WHRN: variants seen among roughly 807,000 people sequenced by gnomAD.
The protein encoded by WHRN is whirlin.
Under a neutral mutation model 68.3 loss-of-function variants are expected in WHRN, and 41 were observed. That is an observed-to-expected ratio of 0.60 (90% confidence interval 0.47 to 0.78). The LOEUF is 0.78. WHRN is among the 30% of genes least tolerant of loss of function. WHRN has a pLI of 0.00. For synonymous variants in WHRN, 560 were observed against 561.3 expected (o/e 1.00, Z 0.03); for missense variants, 1,243 against 1,244.7 (o/e 1.00, Z 0.02).
intron 1 of WHRN, among the ~76,000 whole-genome samples, chr9:114,489,745 T>G (rs1400222665): frequency 1.3e-5 from 2 of 152,226 alleles, no homozygotes; most frequent in African/African-American, 4.8e-5. Context: ...GAATAAACAC[T>G]AAAATCTAAG....
At chr9:114,487,676 A>C (rs1842655971) in intron 1 of WHRN, among the ~76,000 whole-genome samples, 1 of 139,236 alleles carries the variant, frequency 7.2e-6, no homozygotes, top group Non-Finnish European at 1.6e-5. Flanking sequence ...TCCTGAAGCC[A>C]TAGGCAGTGA....
intron 7 of WHRN, among the ~76,000 whole-genome samples, chr9:114,410,373 C>T (rs1049459778): frequency 6.6e-6 from 1 of 152,216 alleles, no homozygotes; most frequent in African/African-American, 2.4e-5. Context: ...ACTGATGAAT[C>T]CATGAATGAA....
At chr9:114,467,887 A>T (rs983732647) in intron 2 of WHRN, among the ~76,000 whole-genome samples, 1 of 152,214 alleles carries the variant, frequency 6.6e-6, no homozygotes, top group Non-Finnish European at 1.5e-5. Context: ...CGGGACAGGG[A>T]GCGGTGGGAG....
intron 3 of WHRN, among the ~76,000 whole-genome samples, chr9:114,452,231 T>A (rs1360904995): frequency 6.6e-6 from 1 of 152,204 alleles, no homozygotes; most frequent in Non-Finnish European, 1.5e-5. Flanking sequence ...CTTAAACACA[T>A]CCTGAATGGC....
chr9:114,429,015 C>T (rs1025591535), intron 3 of WHRN, among the ~76,000 whole-genome samples: 4 of 152,160 alleles, frequency 2.6e-5, no homozygotes, highest in Non-Finnish European at 4.4e-5. Flanking sequence ...ACTGCAACCT[C>T]CACCTCCTGG....
At chr9:114,483,252 T>C (rs1842229110) in intron 1 of WHRN, among the ~76,000 whole-genome samples, 1 of 152,136 alleles carries the variant, frequency 6.6e-6, no homozygotes, top group Non-Finnish European at 1.5e-5. Flanking sequence ...ACGCAGGCTC[T>C]TGGGATATGG....
intron 1 of WHRN, among the ~76,000 whole-genome samples, chr9:114,483,661 G>GC (rs1298841877): frequency 6.6e-6 from 1 of 152,214 alleles, no homozygotes; most frequent in African/African-American, 2.4e-5. Flanking sequence ...CAGAGCTTGA[G>GC]CCTGTGAGAC....
At chr9:114,445,037 GTTA>G (rs566119848) in intron 3 of WHRN, among the ~76,000 whole-genome samples, 22 of 150,720 alleles carry the variant, frequency 1.5e-4, no homozygotes, top group African/African-American at 2.9e-4. Flanking sequence ...GTTTTTTAAT[GTTA>G]TTATTATTAT....
At chr9:114,445,037 G>GTTATTA (rs566119848) in intron 3 of WHRN, among the ~76,000 whole-genome samples, 60 of 150,798 alleles carry the variant, frequency 4.0e-4, no homozygotes, top group African/African-American at 9.7e-4. Context: ...GTTTTTTAAT[G>GTTATTA]TTATTATTAT....
rs183073440 is a variant in WHRN, at chr9:114,456,480, A to C, written c.963+9787T>G. Among the ~76,000 whole-genome samples, 16 of 152,308 alleles carry C rather than the reference A, an allele frequency of 1.1e-4. No individual in the cohort carries two copies. In the East Asian group the frequency reaches 2.9e-3, roughly 28 times the overall value. ...ATCTTATAAGACAGAAACCAAGAAGAGTCGTATATAAACACTGTACTTCAG... is the reference window on the plus strand; with the variant it reads ...ATCTTATAAGACAGAAACCAAGAAGCGTCGTATATAAACACTGTACTTCAG... On this transcript the variant is annotated intron_variant, in intron 3 of 11. Transcript: ENST00000362057.
chr9:114,489,245 G>T (rs75168836), intron 1 of WHRN, among the ~76,000 whole-genome samples: 1 of 152,168 alleles, frequency 6.6e-6, no homozygotes. Flanking sequence ...ATAGGAGATG[G>T]TAAGAGATTC....
chr9:114,493,838 A>G (rs1183803509), intron 1 of WHRN, among the ~76,000 whole-genome samples: 2 of 152,238 alleles, frequency 1.3e-5, no homozygotes, highest in African/African-American at 4.8e-5. Flanking sequence ...TTTTCTCATC[A>G]AATAGCTACA....
At chr9:114,480,819 T>C (rs1842042799) in intron 1 of WHRN, among the ~76,000 whole-genome samples, 1 of 152,184 alleles carries the variant, frequency 6.6e-6, no homozygotes, top group Non-Finnish European at 1.5e-5. Context: ...AATCATGTCT[T>C]ATAGTATGAA....
At position 114,432,199 on chromosome 9, in the gene WHRN, A is replaced by G. The variant is rs565212013; in HGVS notation, c.964-5786T>C. ...CCACAGCCCACTGAGTGACTGGCTCATGTTCAGACACTTTGAGAAGAGCAC... is the reference window on the plus strand; with the variant it reads ...CCACAGCCCACTGAGTGACTGGCTCGTGTTCAGACACTTTGAGAAGAGCAC... On this transcript the variant is annotated intron_variant, in intron 3 of 11. Transcript: ENST00000362057. 5.3e-5 allele frequency among the ~76,000 whole-genome samples: 8 copies of G among 152,316 alleles called. No homozygotes were observed. The South Asian group carries it at 1.5e-3, about 28-fold the overall frequency.
In WHRN at chr9:114,466,401, G is replaced by A. The variant is rs2132957378; in HGVS notation, c.838-9C>T. Reference sequence around the variant, plus strand: ...CCCAGCACCAGGTTCACCTGTCAGAGGGAGAGGATAACATTAGAGGGACTG... The same window carrying A: ...CCCAGCACCAGGTTCACCTGTCAGAAGGAGAGGATAACATTAGAGGGACTG... On this transcript the variant is annotated splice_polypyrimidine_tract_variant and intron_variant, in intron 2 of 11. Coordinates refer to ENST00000362057, the MANE Select transcript of WHRN (RefSeq NM_015404.4). 1 of 1,613,896 alleles carries A rather than the reference G, an allele frequency of 6.2e-7. No individual in the cohort carries two copies. Among genetic ancestry groups the A allele is most frequent in the Non-Finnish European group, 8.5e-7 (1 of 1,180,010 alleles).
intron 3 of WHRN, among the ~76,000 whole-genome samples, chr9:114,440,469 C>T (rs1439119888): frequency 2.0e-5 from 3 of 152,230 alleles, no homozygotes; most frequent in African/African-American, 7.2e-5. Context: ...AAACTCCTGA[C>T]CTCAGGTGAT....
chr9:114,403,834 C>T (rs1465446505), intron 10 of WHRN, 62 bp downstream of exon 10: 1 of 1,595,024 alleles, frequency 6.3e-7, no homozygotes, highest in Non-Finnish European at 8.5e-7. Flanking sequence ...CCGGGACCTC[C>T]CATTCTGTGC....
rs151116717 is a variant in WHRN, at chr9:114,403,937, G to C, written c.2377C>G (p.Leu793Val). The C allele has an allele frequency of 3.7e-6, 6 of 1,611,078 alleles. No individual in the cohort carries two copies. The African/African-American group carries it at 6.7e-5, about 18-fold the overall frequency. Reference protein sequence around the residue: ...VSTKSRSSKELPRNERPTDGA... With the variant: ...VSTKSRSSKEVPRNERPTDGA... ...TCTGTGGGCCTCTCGTTCCGAGGCA[G>C]CTCCTTGCTACTCCTGCTCTTGGTG... The change falls in exon 10 of 12, where the codon CTG (leucine) becomes GTG (valine). Residue 793 changes from leucine (L) to valine (V), a missense_variant. Transcript: ENST00000362057.
chr9:114,412,239 C>T (rs759372038), intron 7 of WHRN, among the ~76,000 whole-genome samples: 5 of 152,328 alleles, frequency 3.3e-5, no homozygotes, highest in South Asian at 2.1e-4. Flanking sequence ...TGCAGACAGC[C>T]GGCTAAGAAC....
Sources: allele counts gnomAD v4.1 joint callset (sites outside exome capture counted in the v4.1 genomes callset), GRCh38; gene constraint gnomAD v4.1.1; transcripts MANE v1.5; gene names NCBI Gene and HGNC (gene_info 2026-07-23, HGNC 2026-07-21).